Variants in STK38L observed in about 807,000 individuals in gnomAD.
STK38L encodes serine/threonine kinase 38 like.
Under a neutral mutation model 59.7 loss-of-function variants are expected in STK38L, and 28 were observed. The observed-to-expected ratio is 0.47, with a 90% CI of 0.35 to 0.64. STK38L has a LOEUF of 0.64. Ranked by LOEUF, STK38L falls within the 30% of genes least tolerant of loss-of-function variation. The pLI is 0.01. For missense variants in STK38L, 314 were observed against 555.8 expected, an observed-to-expected ratio of 0.56 and a Z score of 4.37; for synonymous variants, 162 against 176.8, an observed-to-expected ratio of 0.92 and a Z score of 0.66.
chr12:27,286,319 GGTTGTTTT>G (rs1943771616), intron 1 of STK38L, among the ~76,000 whole-genome samples: 4 of 152,032 alleles, frequency 2.6e-5, no homozygotes, highest in African/African-American at 9.7e-5. Context: ...CTTATAAAAT[GGTTGTTTT>G]CCTATTATTG....
chr12:27,308,161 TAA>T lies in STK38L; in HGVS notation c.187-176_187-175del, dbSNP rs752631214. On this transcript the variant is annotated intron_variant, in intron 3 of 13. Coordinates refer to ENST00000389032, the MANE Select transcript of STK38L (RefSeq NM_015000.4). This position sits in a 1 kb window ranked among gnomAD's most constrained non-coding sequence, Gnocchi z 4.5. ...TATTTAATGGAGTCCACCTCAAAAG[TAA>T]AGATTTATCAGTTGTTAAAAATTTT... Among the ~76,000 whole-genome samples, 4 of 151,944 alleles carry T rather than the reference TAA, an allele frequency of 2.6e-5. No individual in the cohort carries two copies.
intron 1 of STK38L, among the ~76,000 whole-genome samples, chr12:27,249,316 C>T (rs1428799532): frequency 6.6e-6 from 1 of 152,068 alleles, no homozygotes; most frequent in Non-Finnish European, 1.5e-5. Flanking sequence ...GATAACACTT[C>T]TACTATGCTT....
intron 1 of STK38L, among the ~76,000 whole-genome samples, chr12:27,282,650 C>T (rs1348911929): frequency 2.0e-5 from 3 of 151,822 alleles, no homozygotes; most frequent in East Asian, 1.9e-4. Context: ...GCAGTCTGGC[C>T]GTGTATATCA....
At chr12:27,309,954 AG>A (rs1322348666) in intron 5 of STK38L, among the ~76,000 whole-genome samples, 1 of 152,206 alleles carries the variant, frequency 6.6e-6, no homozygotes, top group Non-Finnish European at 1.5e-5. Flanking sequence ...TGCAGTTACA[AG>A]GGGTGGCTTC....
intron 1 of STK38L, among the ~76,000 whole-genome samples, chr12:27,274,175 C>T (rs955879883): frequency 2.0e-5 from 3 of 150,806 alleles, no homozygotes; most frequent in Non-Finnish European, 4.4e-5. Flanking sequence ...ATCAGTTTAA[C>T]CCAGGAGGCC....
chr12:27,318,127 C>A, intron 11 of STK38L, 108 bp downstream of exon 11: 1 of 1,315,314 alleles, frequency 7.6e-7, no homozygotes, highest in Non-Finnish European at 1.0e-6. Flanking sequence ...CTGATGTATA[C>A]AGTCAAAGAG....
intron 1 of STK38L, among the ~76,000 whole-genome samples, chr12:27,253,808 G>A (rs1943028804): frequency 6.6e-6 from 1 of 152,180 alleles, no homozygotes; most frequent in Admixed American, 6.5e-5. Context: ...GGGGGCCACA[G>A]GAACCGGAAT....
At chr12:27,277,326 G>A (rs566384256) in intron 1 of STK38L, among the ~76,000 whole-genome samples, 58 of 148,118 alleles carry the variant, frequency 3.9e-4, no homozygotes, top group African/African-American at 1.4e-3. Context: ...ACCAGCCTGG[G>A]TAATAGAGCA....
intron 1 of STK38L, among the ~76,000 whole-genome samples, chr12:27,275,823 A>G (rs1290331373): frequency 6.6e-6 from 1 of 152,210 alleles, no homozygotes; most frequent in African/African-American, 2.4e-5. Context: ...AATTCTTACT[A>G]TATTATACAA....
intron 1 of STK38L, chr12:27,245,886 A>G (rs1942840086): frequency 2.0e-5 from 3 of 152,094 alleles, no homozygotes; most frequent in South Asian, 2.1e-4. Context: ...AATGTTTCCC[A>G]TTTGGTTGTG....
chr12:27,302,041 A>C, intron 2 of STK38L, 96 bp from the exon 3 acceptor site: 2 of 882,768 alleles, frequency 2.3e-6, no homozygotes, highest in South Asian at 2.3e-5. Context: ...TAGCCTAGCA[A>C]GCTGAAGTGG....
chr12:27,301,561 C>A lies in STK38L; in HGVS notation c.135-576C>A, dbSNP rs1199581457. ...AGGCGTGAGCCACCGCACCCGGCCG[C>A]TGGTGGGTTTTTAAAAACACACATA... On this transcript the variant is annotated intron_variant, in intron 2 of 13. Transcript: ENST00000389032. Among the ~76,000 whole-genome samples the A allele has an allele frequency of 5.3e-5, 8 of 152,266 alleles. No individual in the cohort carries two copies. In the East Asian group the frequency reaches 1.4e-3, roughly 26 times the overall value.
intron 1 of STK38L, among the ~76,000 whole-genome samples, chr12:27,290,642 C>G (rs1430667925): frequency 6.6e-6 from 1 of 152,162 alleles, no homozygotes; most frequent in Non-Finnish European, 1.5e-5. Context: ...ATTCTGTAAT[C>G]TCAAATGTGC....
intron 1 of STK38L, among the ~76,000 whole-genome samples, chr12:27,282,935 G>A (rs1303922995): frequency 1.3e-5 from 2 of 152,102 alleles, no homozygotes; most frequent in African/African-American, 4.8e-5. Flanking sequence ...TATGATCTTG[G>A]GTAAATAACT....
chr12:27,250,710 G>A (rs1215714015), intron 1 of STK38L, among the ~76,000 whole-genome samples: 1 of 152,016 alleles, frequency 6.6e-6, no homozygotes, highest in Admixed American at 6.5e-5. Context: ...GTTAGAAATT[G>A]CTCCTTCAGG....
Position 27,308,207 on chromosome 12 carries a change from T to G in STK38L, c.187-132T>G. The G allele has an allele frequency of 1.3e-6, 1 of 796,082 alleles. No homozygotes were observed. The highest frequency in any genetic ancestry group is 3.8e-5 in the South Asian group (1 of 26,070). 49.3% of individuals were successfully genotyped at this position (796,082 alleles called of 1,614,324 possible). A position where few individuals can be genotyped will look rare whatever the true frequency, so the allele number is the denominator to read the frequency against. ...AAATTTTAGAAAGTTTTCTTTAAAT[T>G]GTTTTAGCCTAATAGTATATTACAT... On this transcript the variant is annotated intron_variant, in intron 3 of 13. Coordinates refer to ENST00000389032, the MANE Select transcript of STK38L (RefSeq NM_015000.4). This position sits in a 1 kb window ranked among gnomAD's most constrained non-coding sequence, Gnocchi z 4.5.
At chr12:27,313,092 A>C (rs1000426937) in intron 6 of STK38L, among the ~76,000 whole-genome samples, 61 of 151,966 alleles carry the variant, frequency 4.0e-4, no homozygotes, top group African/African-American at 1.5e-3. Context: ...ACTAAAAATA[A>C]AAAAAATTAG....
At chr12:27,264,612 G>A (rs1943265825) in intron 1 of STK38L, among the ~76,000 whole-genome samples, 1 of 152,124 alleles carries the variant, frequency 6.6e-6, no homozygotes, top group South Asian at 2.1e-4. Flanking sequence ...AATAAAAAAT[G>A]ATACAAATAA....
chr12:27,297,394 G>A (rs535164697), intron 1 of STK38L, among the ~76,000 whole-genome samples: 1 of 152,280 alleles, frequency 6.6e-6, no homozygotes, highest in Admixed American at 6.5e-5. Flanking sequence ...AAAATAGCTG[G>A]AACTTTTCTT....
Sources: gnomAD v4.1 joint callset for allele counts (sites outside exome capture counted in the v4.1 genomes callset) on GRCh38, gnomAD v4.1.1 for gene constraint, Gnocchi (gnomAD v3.1) non-coding constraint, MANE v1.5 for transcripts, NCBI Gene and HGNC (gene_info 2026-07-23, HGNC 2026-07-21) for gene names.